Variants in TMEM45A observed in about 807,000 individuals in gnomAD.
TMEM45A encodes transmembrane protein 45A, also known as DNA polymerase-transactivated protein 4.
A neutral mutation model predicts 32.0 loss-of-function variants in TMEM45A; 25 were observed. That is an observed-to-expected ratio of 0.78 (90% CI 0.57 to 1.09). The LOEUF is 1.09. Among genes scored for constraint, TMEM45A ranks in the 50% least tolerant of loss-of-function variants. The pLI is 0.00. For synonymous variants in TMEM45A, 122 were observed against 114.8 expected (o/e 1.06, Z -0.40); for missense variants, 302 against 325.0 (o/e 0.93, Z 0.54).
In TMEM45A at chr3:100,498,945, T is replaced by C. The variant is rs79614545; in HGVS notation, c.-4+6017T>C. ...ATCCTAATGTGTGGGAAGCATCTTG[T>C]TGTGGTTTTGATTTGCATTTCCCTA... On this transcript the variant is annotated intron_variant, in intron 1 of 5. Coordinates refer to ENST00000323523, the MANE Select transcript of TMEM45A (RefSeq NM_018004.3). Among the ~76,000 whole-genome samples the C allele has an allele frequency of 8.6e-3, 1,317 of 152,300 alleles. 22 individuals are homozygous for C. The highest frequency in any genetic ancestry group is 0.03 in the African/African-American group (1,254 of 41,550).
At chr3:100,570,020 C>T (rs1185330791) in intron 5 of TMEM45A, among the ~76,000 whole-genome samples, 1 of 152,160 alleles carries the variant, frequency 6.6e-6, no homozygotes, top group Non-Finnish European at 1.5e-5. Flanking sequence ...TTTCAATGAC[C>T]AGGCATGAAG....
intron 1 of TMEM45A, among the ~76,000 whole-genome samples, chr3:100,504,779 A>G (rs1231568093): frequency 3.9e-5 from 6 of 152,216 alleles, no homozygotes; most frequent in African/African-American, 7.2e-5. Flanking sequence ...AAGTGCTTCT[A>G]TCACTTTCTT....
intron 5 of TMEM45A, among the ~76,000 whole-genome samples, chr3:100,575,060 A>T (rs1242410629): frequency 6.6e-6 from 1 of 152,210 alleles, no homozygotes; most frequent in East Asian, 1.9e-4. Context: ...GCAGAAAATA[A>T]GGGTAAAGAT....
At chr3:100,575,295 G>T (rs567278281) in intron 5 of TMEM45A, among the ~76,000 whole-genome samples, 1 of 151,514 alleles carries the variant, frequency 6.6e-6, no homozygotes, top group South Asian at 2.1e-4. Context: ...AGCTTCAGCT[G>T]CTAATCAGTG....
intron 1 of TMEM45A, among the ~76,000 whole-genome samples, chr3:100,506,525 T>A (rs1380550622): frequency 6.6e-6 from 1 of 152,212 alleles, no homozygotes; most frequent in African/African-American, 2.4e-5. Context: ...AAACCTTCAG[T>A]GTAACATTTT....
At chr3:100,505,009 T>C (rs1468110252) in intron 1 of TMEM45A, among the ~76,000 whole-genome samples, 2 of 152,164 alleles carry the variant, frequency 1.3e-5, no homozygotes, top group African/African-American at 4.8e-5. Context: ...GTCGAGATGA[T>C]GGAGGGGTCA....
chr3:100,518,229 C>T (rs1011929849), intron 1 of TMEM45A, among the ~76,000 whole-genome samples: 1 of 152,176 alleles, frequency 6.6e-6, no homozygotes, highest in African/African-American at 2.4e-5. Flanking sequence ...GCTTTCAGGT[C>T]GCTCAAGTGT....
At chr3:100,539,121 A>G (rs1319925371) in intron 1 of TMEM45A, among the ~76,000 whole-genome samples, 1 of 152,194 alleles carries the variant, frequency 6.6e-6, no homozygotes, top group African/African-American at 2.4e-5. Context: ...ATGGACAGAC[A>G]AAGGACCCAG....
rs532516377 is a variant in TMEM45A, at chr3:100,528,573, C to T, written c.-3-26636C>T. Among the ~76,000 whole-genome samples the T allele has an allele frequency of 2.2e-4, 34 of 152,164 alleles. 1 individual carries two copies. The South Asian group carries it at 7.1e-3, about 32-fold the overall frequency. On this transcript the variant is annotated intron_variant, in intron 1 of 5. Transcript: ENST00000323523. ...CTTGGACCCCTTGTTTTTTTCTGTACAGGAGTCAGAACATTTTCCGAGAAG... is the reference window on the plus strand; with the variant it reads ...CTTGGACCCCTTGTTTTTTTCTGTATAGGAGTCAGAACATTTTCCGAGAAG...
chr3:100,534,020 T>C (rs550047599), intron 1 of TMEM45A, among the ~76,000 whole-genome samples: 1 of 152,298 alleles, frequency 6.6e-6, no homozygotes, highest in Non-Finnish European at 1.5e-5. Context: ...TTTTATGAGC[T>C]GTTCAAGCCA....
chr3:100,512,045 G>A (rs1178913176), intron 1 of TMEM45A, among the ~76,000 whole-genome samples: 1 of 152,040 alleles, frequency 6.6e-6, no homozygotes, highest in Non-Finnish European at 1.5e-5. Context: ...ACACCCCACT[G>A]TCAACATTAG....
chr3:100,506,094 G>A (rs766579979), intron 1 of TMEM45A, among the ~76,000 whole-genome samples: 2 of 152,150 alleles, frequency 1.3e-5, no homozygotes, highest in African/African-American at 2.4e-5. Flanking sequence ...CCAAGCTTGT[G>A]GGGGGAAGAG....
Position 100,544,064 on chromosome 3 carries a change from A to G in TMEM45A, c.-3-11145A>G, listed in dbSNP as rs565976118. Among the ~76,000 whole-genome samples the G allele has an allele frequency of 6.2e-4, 93 of 149,098 alleles. 1 individual carries two copies. Among genetic ancestry groups the G allele is most frequent in the African/African-American group, 2.2e-3 (83 of 38,506 alleles). On this transcript the variant is annotated intron_variant, in intron 1 of 5. Transcript: ENST00000323523. ...ACTATTAGCTAATATTTGGACATATAGAAGTTTTAAGTGGTTTTTTTTTTT... is the reference window on the plus strand; with the variant it reads ...ACTATTAGCTAATATTTGGACATATGGAAGTTTTAAGTGGTTTTTTTTTTT...
chr3:100,568,720 A>C (rs977594414), intron 4 of TMEM45A, 102 bp from the exon 5 acceptor site: 25 of 1,048,172 alleles, frequency 2.4e-5, no homozygotes, highest in Non-Finnish European at 3.2e-5. Context: ...AGATAATTGG[A>C]GTTAACTTAG....
intron 1 of TMEM45A, among the ~76,000 whole-genome samples, chr3:100,542,342 C>G (rs1384599233): frequency 6.6e-6 from 1 of 152,066 alleles, no homozygotes. Context: ...CATATGAATA[C>G]TAGAAGGATC....
chr3:100,537,791 C>T (rs905956420), intron 1 of TMEM45A, among the ~76,000 whole-genome samples: 2 of 152,228 alleles, frequency 1.3e-5, no homozygotes, highest in Non-Finnish European at 2.9e-5. Flanking sequence ...CCTTTAGAAG[C>T]TGTGATGCAA....
At chr3:100,514,069 T>A (rs565707314) in intron 1 of TMEM45A, among the ~76,000 whole-genome samples, 10 of 152,332 alleles carry the variant, frequency 6.6e-5, no homozygotes, top group African/African-American at 1.9e-4. Context: ...ATTTATAGAT[T>A]CAATGCCATC....
intron 3 of TMEM45A, among the ~76,000 whole-genome samples, chr3:100,558,153 T>C (rs1559650778): frequency 1.3e-5 from 2 of 152,200 alleles, no homozygotes; most frequent in African/African-American, 2.4e-5. Context: ...AATCCATTCA[T>C]TGAAAATGTC....
At chr3:100,507,001 T>C (rs1301541933) in intron 1 of TMEM45A, among the ~76,000 whole-genome samples, 2 of 152,300 alleles carry the variant, frequency 1.3e-5, no homozygotes, top group Admixed American at 6.5e-5. Flanking sequence ...GGTTTGTTCA[T>C]TGGCAGAAGT....
Sources: allele counts gnomAD v4.1 joint callset (sites outside exome capture counted in the v4.1 genomes callset), GRCh38; gene constraint gnomAD v4.1.1; transcripts MANE v1.5; gene names NCBI Gene and HGNC (gene_info 2026-07-23, HGNC 2026-07-21).